PRMT2: variants seen among roughly 807,000 people sequenced by gnomAD.
PRMT2 encodes the protein protein arginine N-methyltransferase 2.
Under a neutral mutation model 57.6 loss-of-function variants are expected in PRMT2, and 26 were observed. That is an observed-to-expected ratio of 0.45 (90% CI 0.33 to 0.63). The LOEUF (loss-of-function observed/expected upper bound fraction) is 0.63. PRMT2 is among the 20% of genes least tolerant of loss of function. The pLI, the probability that PRMT2 is intolerant of heterozygous loss-of-function variation, is 0.02. For synonymous variants in PRMT2, 219 were observed against 220.0 expected, an observed-to-expected ratio of 1.00 and a Z score of 0.04; for missense variants, 472 against 564.4, an observed-to-expected ratio of 0.84 and a Z score of 1.66.
intron 3 of PRMT2, 162 bp from the exon 4 acceptor site, chr21:46,643,373 G>A: frequency 8.2e-7 from 1 of 1,215,428 alleles, no homozygotes; most frequent in Non-Finnish European, 1.0e-6. Context: ...GAAGGTGACA[G>A]CCTTTGATTA....
chr21:46,661,882 A>G lies in PRMT2; in HGVS notation c.1043A>G (p.Gln348Arg). 6.7e-7 allele frequency: 1 copy of G among 1,487,150 alleles called. No individual in the cohort carries two copies. Among genetic ancestry groups the G allele is most frequent in the Non-Finnish European group, 9.0e-7 (1 of 1,108,776 alleles). 92.1% of individuals were successfully genotyped at this position (1,487,150 alleles called of 1,614,324 possible). Residue 348 changes from glutamine (Q) to arginine (R), a missense_variant, in exon 10 of 12, where the codon CAG becomes CGG. Around this residue, in one of 2 missense-constraint regions of PRMT2, gnomAD observed 229 missense variants for 217.2 expected, o/e 1.05. Transcript: ENST00000355680. The part of the protein sequence containing the change: ...GFTAWFSVHF[Q>R]SLQEGQPPQV... ...ACGGCCTGGTTTAGCGTCCACTTCC[A>G]GAGCCTGCAGGAGGGGCAGCCGCCG...
Position 46,663,423 on chromosome 21 carries a change from CCA to C in PRMT2, c.1139_1140del (p.Pro380ArgfsTer70). 1 of 1,614,142 alleles carries C rather than the reference CCA, an allele frequency of 6.2e-7. No homozygotes were observed. The highest frequency in any genetic ancestry group is 1.7e-5 in the Admixed American group (1 of 60,020). On this transcript the variant is annotated frameshift_variant, in exon 11 of 12. Transcript: ENST00000355680. LOFTEE classifies it high-confidence loss of function. ...GCAGACGCTGTTCATGATGGACGAC[CCA>C]GTCCCTGTCCATACAGGAGACGTGG... ...WKQTLFMMDDPVPVHTGDVVT... is the reference protein window; with the variant it reads ...WKQTLFMMDDXVPVHTGDVVT...
chr21:46,662,573 T>C (rs1183006823), intron 10 of PRMT2, among the ~76,000 whole-genome samples: 1 of 151,548 alleles, frequency 6.6e-6, no homozygotes, highest in Non-Finnish European at 1.5e-5. Flanking sequence ...CGGGTGGAGG[T>C]GGGCAGCTTG....
Position 46,661,975 on chromosome 21 carries a change from G to GGGCGCGGAGATGGGA in PRMT2, c.1097+42_1097+43insGCGGAGATGGGAGGC. ...GCGCGGGCACGGGGTGCGGGGTGGG[G>GGGCGCGGAGATGGGA]GGCAGGGGAGTAGGCGGGGTGCGGG... On this transcript the variant is annotated intron_variant, in intron 10 of 11. Transcript: ENST00000355680. The GGGCGCGGAGATGGGA allele has an allele frequency of 2.6e-6, 3 of 1,138,326 alleles. 1 individual carries two copies. The highest frequency in any genetic ancestry group is 2.2e-6 in the Non-Finnish European group (2 of 911,320). The allele number at this position is 1,138,326 out of a possible 1,614,324, so 70.5% of individuals were successfully genotyped here. A position where few individuals can be genotyped will look rare whatever the true frequency, so the allele number is the denominator to read the frequency against.
At chr21:46,637,822 G>A (rs184980636) in intron 3 of PRMT2, among the ~76,000 whole-genome samples, 2 of 151,758 alleles carry the variant, frequency 1.3e-5, no homozygotes, top group Admixed American at 1.3e-4. Context: ...AAATACTGTC[G>A]GGTGTGTCTG....
At chr21:46,643,813 G>A (rs922829197) in intron 4 of PRMT2, among the ~76,000 whole-genome samples, 174 bp downstream of exon 4, 1 of 152,222 alleles carries the variant, frequency 6.6e-6, no homozygotes, top group African/African-American at 2.4e-5. Context: ...CAAGCATGAT[G>A]TAAAGATACG....
rs1018935780 is a variant in PRMT2 at position 46,658,535 on chromosome 21, T to C, written c.655-210T>C. The C allele has an allele frequency of 1.7e-5, 14 of 808,120 alleles. No individual in the cohort carries two copies. The East Asian group carries it at 4.0e-4, about 23-fold the overall frequency. The allele number at this position is 808,120 out of a possible 1,614,324, so 50.1% of individuals were successfully genotyped here. A position where few individuals can be genotyped will look rare whatever the true frequency, so the allele number is the denominator to read the frequency against. ...AGTTCTAATGGGAAATTATGTGACT[T>C]AAACCCAGGCTGTGAGATGCATCAG... On this transcript the variant is annotated intron_variant, in intron 7 of 11. Transcript: ENST00000355680.
At position 46,664,512 on chromosome 21, in the gene PRMT2, C is replaced by A; in HGVS notation, c.*185C>A. On this transcript the variant is annotated 3_prime_UTR_variant, in exon 12 of 12. Transcript: ENST00000355680. ...CACAGACAAACACGCTTGGGCTCGG[C>A]AGGAGCTGCCGTGGCCACCCCCGCT... The A allele has an allele frequency of 1.4e-6, 1 of 730,312 alleles. No individual in the cohort carries two copies. Among genetic ancestry groups the A allele is most frequent in the Non-Finnish European group, 2.3e-6 (1 of 430,540 alleles). 45.2% of individuals were successfully genotyped at this position (730,312 alleles called of 1,614,324 possible). A position where few individuals can be genotyped will look rare whatever the true frequency, so the allele number is the denominator to read the frequency against.
chr21:46,649,914 A>G lies in PRMT2; in HGVS notation c.654+175A>G. ...CATTGGCTCAGTGTCTTGAATTTTC[A>G]CCTGATTTAAAAAATGCCTTTATGA... On this transcript the variant is annotated intron_variant, in intron 7 of 11. Transcript: ENST00000355680. The surrounding 1 kb of genome is among the most constrained non-coding windows in gnomAD (Gnocchi z 4.8). The G allele has an allele frequency of 1.4e-6, 2 of 1,451,660 alleles. No homozygotes were observed. Among genetic ancestry groups the G allele is most frequent in the Non-Finnish European group, 1.8e-6 (2 of 1,098,184 alleles). The allele number at this position is 1,451,660 out of a possible 1,614,324, so 89.9% of individuals were successfully genotyped here. A position where few individuals can be genotyped will look rare whatever the true frequency, so the allele number is the denominator to read the frequency against.
At chr21:46,641,745 GTGTA>G (rs906927401) in intron 3 of PRMT2, among the ~76,000 whole-genome samples, 1 of 125,792 alleles carries the variant, frequency 7.9e-6, no homozygotes, top group Non-Finnish European at 1.8e-5. Context: ...GTGTGTGTGT[GTGTA>G]TACGTGTACA....
At chr21:46,652,905 C>A in intron 7 of PRMT2, 3 of 1,302,886 alleles carry the variant, frequency 2.3e-6, no homozygotes, top group Non-Finnish European at 3.0e-6. Context: ...AAGCAGGTTG[C>A]ACACTCAGCA....
chr21:46,664,271 C>A, intron 11 of PRMT2, 24 bp from the exon 12 acceptor site: 2 of 1,549,414 alleles, frequency 1.3e-6, no homozygotes, highest in Non-Finnish European at 1.8e-6. Flanking sequence ...ATCTGATTGA[C>A]CTGTTGTCAT....
chr21:46,657,757 G>A (rs960141063), intron 7 of PRMT2: 5 of 152,152 alleles, frequency 3.3e-5, no homozygotes, highest in African/African-American at 9.7e-5. Context: ...CCACACAAGC[G>A]CTCAAGTTCG....
At position 46,658,862 on chromosome 21, in the gene PRMT2, T is replaced by C. The variant is rs1403763394; in HGVS notation, c.772T>C (p.Tyr258His). 1 of 1,614,162 alleles carries C rather than the reference T, an allele frequency of 6.2e-7. No homozygotes were observed. The highest frequency in any genetic ancestry group is 1.1e-5 in the South Asian group (1 of 91,084). The change falls in exon 8 of 12, where the codon TAT becomes CAT. Residue 258 changes from tyrosine (Y) to histidine (H), a missense_variant. Physicochemically the swap from Tyr to His is moderately conservative, Grantham distance 83. Coordinates refer to ENST00000355680, the MANE Select transcript of PRMT2 (RefSeq NM_206962.4). Reference sequence around the variant, plus strand: ...TGTGCCCTGCAGTGCTGATAAGGATTATCGTAGCAAGGTGCTCTTCTGGGA... The same window carrying C: ...TGTGCCCTGCAGTGCTGATAAGGATCATCGTAGCAAGGTGCTCTTCTGGGA... ...HLVPCSADKDYRSKVLFWDNA... is the reference protein window; with the variant it reads ...HLVPCSADKDHRSKVLFWDNA...
Position 46,663,446 on chromosome 21 carries a change from C to T in PRMT2, c.1161C>T (p.Asp387=), listed in dbSNP as rs146166518. ...MDDPVPVHTG[D]VVTGSVVLQR... is the part of the protein sequence containing the mutation. Reference sequence around the variant, plus strand: ...ACCCAGTCCCTGTCCATACAGGAGACGTGGTCACGGGTTCAGTTGTGTTGC... The same window carrying T: ...ACCCAGTCCCTGTCCATACAGGAGATGTGGTCACGGGTTCAGTTGTGTTGC... The change falls in exon 11 of 12, where the codon GAC becomes GAT. Residue 387 remains aspartate, a synonymous_variant. Coordinates refer to ENST00000355680, the MANE Select transcript of PRMT2 (RefSeq NM_206962.4). 2.8e-5 allele frequency: 46 copies of T among 1,614,052 alleles called. No homozygotes were observed. The highest frequency in any genetic ancestry group is 2.3e-4 in the African/African-American group (17 of 74,934).
At chr21:46,660,443 G>C (rs2061602546) in intron 8 of PRMT2, among the ~76,000 whole-genome samples, 1 of 152,198 alleles carries the variant, frequency 6.6e-6, no homozygotes, top group East Asian at 1.9e-4. Context: ...AAAAGATTTT[G>C]AAATCAAATA....
chr21:46,653,207 G>C, intron 7 of PRMT2: 1 of 985,398 alleles, frequency 1.0e-6, no homozygotes, highest in Non-Finnish European at 1.2e-6. Context: ...GGTTAACAAA[G>C]ATGTAATAAT....
chr21:46,662,058 C>CGTGGGGGCGCGGGCAGTGGG (rs2061636502), intron 10 of PRMT2, 122 bp downstream of exon 10: 1 of 17,024 alleles, frequency 5.9e-5, no homozygotes, highest in Non-Finnish European at 1.1e-4. Flanking sequence ...GGGTGGGGCA[C>CGTGGGGGCGCGGGCAGTGGG]GTGGGGGCGC....
In PRMT2 at chr21:46,644,437, C is replaced by A. The variant is rs746547793; in HGVS notation, c.276C>A (p.Asp92Glu). 11 of 1,604,654 alleles carry A rather than the reference C, an allele frequency of 6.9e-6. No individual in the cohort carries two copies. The highest frequency in any genetic ancestry group is 9.4e-6 in the Non-Finnish European group (11 of 1,175,958). Residue 92 changes from aspartate (D) to glutamate (E), a missense_variant, in exon 5 of 12, where the codon GAC (aspartate) becomes GAA (glutamate). This residue lies in a region of PRMT2 where 243 missense variants were observed against 347.2 expected (regional missense o/e 0.70). Transcript: ENST00000355680. Reference protein sequence around the residue: ...NHVGKHVDEYDPEDTWQDEEY... With the variant: ...NHVGKHVDEYEPEDTWQDEEY... ...TGGGGAAGCACGTGGATGAGTACGA[C>A]CCCGAGGACACGTGGCAGGATGAAG...
Sources: gnomAD v4.1 joint callset for allele counts (sites outside exome capture counted in the v4.1 genomes callset) on GRCh38, gnomAD v4.1.1 for gene constraint, gnomAD v4.1.1 regional missense constraint, Gnocchi (gnomAD v3.1) non-coding constraint, MANE v1.5 for transcripts, NCBI Gene and HGNC (gene_info 2026-07-23, HGNC 2026-07-21) for gene names.